The following NCKAP5 variants were observed in gnomAD, a reference collection of about 807,000 sequenced individuals.
NCKAP5 encodes the protein nck-associated protein 5.
In NCKAP5, 92 loss-of-function variants were observed where a neutral mutation model predicts 167.0. That is an observed-to-expected ratio of 0.55 (90% CI 0.47 to 0.66). The LOEUF (loss-of-function observed/expected upper bound fraction) is 0.66, where lower values mean the gene tolerates loss of function less well. Among genes scored for constraint, NCKAP5 ranks in the 30% least tolerant of loss-of-function variants. The pLI is 0.00. For missense variants in NCKAP5, 2,378 were observed against 2,315.0 expected, an observed-to-expected ratio of 1.03 and a Z score of -0.56; for synonymous variants, 891 against 877.4, an observed-to-expected ratio of 1.02 and a Z score of -0.27.
intron 10 of NCKAP5, among the ~76,000 whole-genome samples, chr2:132,864,878 G>T (rs1690220129): frequency 6.6e-6 from 1 of 152,064 alleles, no homozygotes. Flanking sequence ...TTGTCCACAG[G>T]GCCTTGAAGT....
chr2:132,931,888 G>T lies in NCKAP5; in HGVS notation c.579+31832C>A, dbSNP rs76784621. Among the ~76,000 whole-genome samples the T allele has an allele frequency of 4.7e-3, 712 of 152,194 alleles. 7 individuals are homozygous for T. Among genetic ancestry groups the T allele is most frequent in the African/African-American group, 0.016 (668 of 41,508 alleles). On this transcript the variant is annotated intron_variant, in intron 8 of 19. Coordinates refer to ENST00000409261, the MANE Select transcript of NCKAP5 (RefSeq NM_207363.3). ...AAAATTGTAAGTTGAGAAAAAATAC[G>T]ATAGAAAGACATGTTACACTTGATA...
At chr2:133,425,412 AG>A (rs1285820084) in intron 3 of NCKAP5, among the ~76,000 whole-genome samples, 1 of 152,168 alleles carries the variant, frequency 6.6e-6, no homozygotes, top group Non-Finnish European at 1.5e-5. Context: ...GAAAGTAATC[AG>A]GGGGGTAGTC....
chr2:132,864,829 A>C (rs1690213569), intron 10 of NCKAP5, among the ~76,000 whole-genome samples: 1 of 152,176 alleles, frequency 6.6e-6, no homozygotes, highest in Admixed American at 6.5e-5. Flanking sequence ...ATGGGAATAC[A>C]TGGAATTGGG....
intron 6 of NCKAP5, among the ~76,000 whole-genome samples, chr2:133,100,314 T>C (rs912603740): frequency 6.6e-6 from 1 of 152,236 alleles, no homozygotes; most frequent in African/African-American, 2.4e-5. Context: ...TTATATTTTA[T>C]CCATCCTATT....
At chr2:133,578,856 ATC>A in the NCKAP5 span, among the ~76,000 whole-genome samples, 1 of 152,222 alleles carries the variant, frequency 6.6e-6, no homozygotes. Flanking sequence ...CCACAGTAAA[ATC>A]TGTTTGTTCT....
At chr2:133,455,990 T>C (rs755525882) in intron 3 of NCKAP5, among the ~76,000 whole-genome samples, 13 of 152,272 alleles carry the variant, frequency 8.5e-5, no homozygotes, top group Middle Eastern at 3.4e-3. Flanking sequence ...AGTACCAAAA[T>C]GGATAAACAT....
chr2:132,877,377 T>G (rs1236434673), intron 9 of NCKAP5, among the ~76,000 whole-genome samples: 1 of 152,214 alleles, frequency 6.6e-6, no homozygotes, highest in African/African-American at 2.4e-5. Flanking sequence ...GAGGACATTT[T>G]GAGAGTTCTT....
intron 3 of NCKAP5, among the ~76,000 whole-genome samples, chr2:133,418,023 G>A (rs376232436): frequency 6.6e-6 from 1 of 152,320 alleles, no homozygotes; most frequent in South Asian, 2.1e-4. Context: ...GAGGTTTGAA[G>A]GCAAACTTGC....
At chr2:132,879,539 T>C (rs1356944462) in intron 8 of NCKAP5, among the ~76,000 whole-genome samples, 2 of 152,178 alleles carry the variant, frequency 1.3e-5, no homozygotes, top group Non-Finnish European at 2.9e-5. Context: ...TGTAGAATAG[T>C]AAGGGGAAAG....
chr2:133,121,618 C>G (rs1229256915), intron 6 of NCKAP5, among the ~76,000 whole-genome samples: 2 of 152,080 alleles, frequency 1.3e-5, no homozygotes, highest in South Asian at 4.1e-4. Context: ...AACTAGAGCT[C>G]CTATACATTG....
At chr2:133,523,251 C>A (rs554668099) in intron 2 of NCKAP5, among the ~76,000 whole-genome samples, 1 of 151,470 alleles carries the variant, frequency 6.6e-6, no homozygotes, top group African/African-American at 2.4e-5. Context: ...GTAACAAAAC[C>A]GCACCATTGA....
intron 16 of NCKAP5, among the ~76,000 whole-genome samples, chr2:132,756,031 G>A (rs1161688965): frequency 6.6e-6 from 1 of 151,964 alleles, no homozygotes; most frequent in East Asian, 1.9e-4. Flanking sequence ...TGAGGAATTG[G>A]GGCTCAAAGA....
intron 11 of NCKAP5, among the ~76,000 whole-genome samples, chr2:132,851,646 G>A (rs978178185): frequency 1.3e-5 from 2 of 152,148 alleles, no homozygotes; most frequent in Non-Finnish European, 2.9e-5. Flanking sequence ...TATTTGCCTC[G>A]TTGGTATCTA....
chr2:133,091,164 T>C (rs571799029), intron 6 of NCKAP5, among the ~76,000 whole-genome samples: 2 of 152,338 alleles, frequency 1.3e-5, no homozygotes, highest in African/African-American at 4.8e-5. Context: ...ATGCTTCCTG[T>C]ACATGCCTGT....
chr2:133,289,943 T>C (rs1679451389), intron 4 of NCKAP5, among the ~76,000 whole-genome samples: 1 of 152,082 alleles, frequency 6.6e-6, no homozygotes, highest in Admixed American at 6.6e-5. Context: ...CCAGATCTCA[T>C]GAGAACTCAC....
chr2:133,267,849 G>A (rs1453604684), intron 4 of NCKAP5, among the ~76,000 whole-genome samples: 1 of 151,990 alleles, frequency 6.6e-6, no homozygotes, highest in African/African-American at 2.4e-5. Flanking sequence ...ATTTGTACTG[G>A]TGATAGATTC....
intron 19 of NCKAP5, among the ~76,000 whole-genome samples, chr2:132,706,926 G>C (rs149640889): frequency 4.6e-5 from 7 of 152,084 alleles, no homozygotes; most frequent in Non-Finnish European, 1.0e-4. Context: ...GAGTGACTCC[G>C]GCCTAAAAAG....
At chr2:132,948,757 C>G (rs896630875) in intron 8 of NCKAP5, among the ~76,000 whole-genome samples, 60 of 152,140 alleles carry the variant, frequency 3.9e-4, no homozygotes, top group African/African-American at 1.4e-3. Flanking sequence ...GACTACAGAG[C>G]CAGGTACAGC....
chr2:133,145,925 T>C (rs1352544694), intron 5 of NCKAP5, among the ~76,000 whole-genome samples: 1 of 152,138 alleles, frequency 6.6e-6, no homozygotes, highest in African/African-American at 2.4e-5. Flanking sequence ...AGCTGAATCA[T>C]TCCACTGTAA....
Sources: allele counts gnomAD v4.1 joint callset (sites outside exome capture counted in the v4.1 genomes callset), GRCh38; gene constraint gnomAD v4.1.1; transcripts MANE v1.5; gene names NCBI Gene and HGNC (gene_info 2026-07-23, HGNC 2026-07-21).